ARID1A: variants seen among roughly 807,000 people sequenced by gnomAD.
ARID1A encodes the protein AT-rich interactive domain-containing protein 1A.
Under a neutral mutation model 212.6 loss-of-function variants are expected in ARID1A, and 20 were observed. The observed-to-expected ratio is 0.09, with a 90% CI of 0.07 to 0.14. ARID1A has a LOEUF of 0.14. Ranked by LOEUF, ARID1A falls within the 10% of genes least tolerant of loss-of-function variation. The pLI is 1.00. For synonymous variants in ARID1A, 1,376 were observed against 1,222.1 expected, an observed-to-expected ratio of 1.13 and a Z score of -2.63; for missense variants, 2,587 against 3,059.0, an observed-to-expected ratio of 0.85 and a Z score of 3.64.
At chr1:26,762,832 TCATGGCGA>T in intron 7 of ARID1A, 133 bp from the exon 8 acceptor site, 1 of 885,446 alleles carries the variant, frequency 1.1e-6, no homozygotes, top group African/African-American at 1.7e-5. Context: ...CCCCTTTTTC[TCATGGCGA>T]TAAAGGCTAC....
chr1:26,761,606 T>C (rs2080992764), intron 6 of ARID1A, 133 bp downstream of exon 6: 4 of 837,302 alleles, frequency 4.8e-6, no homozygotes, highest in Non-Finnish European at 5.6e-6. Context: ...TTATATTCTT[T>C]AAAAGTTGAC....
At position 26,773,859 on chromosome 1, in the gene ARID1A, C is replaced by G. The variant is rs199846866; in HGVS notation, c.4062C>G (p.Phe1354Leu). 1 of 1,614,094 alleles carries G rather than the reference C, an allele frequency of 6.2e-7. No homozygotes were observed. The highest frequency in any genetic ancestry group is 2.2e-5 in the East Asian group (1 of 44,894). Reference sequence around the variant, plus strand: ...AAGGCACCCCTTCTGGCAGCCCCTTCCCCAGCCAGCAGACTACAATGTATC... The same window carrying G: ...AAGGCACCCCTTCTGGCAGCCCCTTGCCCAGCCAGCAGACTACAATGTATC... ...STQGTPSGSP[F>L]PSQQTTMYQQ... is the part of the protein sequence containing the mutation. The change falls in exon 17 of 20, where the codon TTC (phenylalanine) becomes TTG (leucine). Residue 1354 changes from phenylalanine to leucine, a missense_variant. By Grantham distance (22) the Phe-to-Leu change is conservative (BLOSUM62 0). Around this residue, in one of 11 missense-constraint regions of ARID1A, gnomAD observed 890 missense variants for 1,098.2 expected, o/e 0.81. Transcript: ENST00000324856.
chr1:26,765,983 A>G (rs61786512), intron 8 of ARID1A: 15,158 of 467,500 alleles, frequency 0.032, 354 homozygotes, highest in Non-Finnish European at 0.044. Flanking sequence ...TTAAGGCTGC[A>G]GTAAGCTATG....
In ARID1A at chr1:26,773,076, T is replaced by C. The variant is rs1470876442; in HGVS notation, c.3715+89T>C. ...AATCTTGAGAATGGCTCAGGGTTCTTGTGGAGCCATCCTCTGAGATAATGC... is the reference window on the plus strand; with the variant it reads ...AATCTTGAGAATGGCTCAGGGTTCTCGTGGAGCCATCCTCTGAGATAATGC... On this transcript the variant is annotated intron_variant, in intron 14 of 19. Coordinates refer to ENST00000324856, the MANE Select transcript of ARID1A (RefSeq NM_006015.6). The C allele has an allele frequency of 8.0e-6, 12 of 1,498,482 alleles. No individual in the cohort carries two copies. The East Asian group carries it at 1.8e-4, about 23-fold the overall frequency. The allele number at this position is 1,498,482 out of a possible 1,614,324, so 92.8% of individuals were successfully genotyped here.
At chr1:26,706,529 C>T (rs1160723914) in intron 1 of ARID1A, among the ~76,000 whole-genome samples, 1 of 152,114 alleles carries the variant, frequency 6.6e-6, no homozygotes, top group East Asian at 1.9e-4. Context: ...CCTTTGGGCC[C>T]AGCTGTTTAC....
Position 26,774,209 on chromosome 1 carries a change from T to A in ARID1A, c.4102-120T>A. On this transcript the variant is annotated intron_variant, in intron 17 of 19. Transcript: ENST00000324856. The surrounding 1 kb of genome is among the most constrained non-coding windows in gnomAD (Gnocchi z 5.6). ...TCAAAAGACAATTTGTTAAGGTGAT[T>A]CCCATGTTTTCTTGGAGTCTGTGTC... The A allele has an allele frequency of 6.8e-7, 1 of 1,465,982 alleles. No homozygotes were observed. Among genetic ancestry groups the A allele is most frequent in the Non-Finnish European group, 9.0e-7 (1 of 1,107,642 alleles). The allele number at this position is 1,465,982 out of a possible 1,614,324, so 90.8% of individuals were successfully genotyped here. A position where few individuals can be genotyped will look rare whatever the true frequency, so the allele number is the denominator to read the frequency against.
chr1:26,775,165 T>C lies in ARID1A; in HGVS notation c.4938T>C (p.Val1646=). ...RRDITFPPGS[V]EATQPVLKQR... is the part of the protein sequence containing the mutation. ...ATATCACCTTCCCACCTGGCTCTGT[T>C]GAAGCCACACAGCCTGTGTTGAAGC... Residue 1646 remains valine, a synonymous_variant, in exon 18 of 20, where the codon GTT becomes GTC. Coordinates refer to ENST00000324856, the MANE Select transcript of ARID1A (RefSeq NM_006015.6). The C allele has an allele frequency of 6.2e-7, 1 of 1,612,214 alleles. No homozygotes were observed. Among genetic ancestry groups the C allele is most frequent in the Non-Finnish European group, 8.5e-7 (1 of 1,179,344 alleles).
intron 4 of ARID1A, among the ~76,000 whole-genome samples, chr1:26,753,930 C>A (rs2124028104): frequency 6.6e-6 from 1 of 152,240 alleles, no homozygotes; most frequent in East Asian, 1.9e-4. Flanking sequence ...CCTCAGCCTC[C>A]CGAGTAGCTG....
In ARID1A at chr1:26,696,618, A is replaced by G. The variant is rs2124740775; in HGVS notation, c.215A>G (p.Glu72Gly). The G allele has an allele frequency of 8.0e-7, 1 of 1,252,310 alleles. No homozygotes were observed. Among genetic ancestry groups the G allele is most frequent in the Non-Finnish European group, 1.0e-6 (1 of 1,002,190 alleles). The allele number at this position is 1,252,310 out of a possible 1,614,324, so 77.6% of individuals were successfully genotyped here. The stretch of plus-strand genomic sequence containing the variant: ...GGGCCGCCGCAGCCGCTGGGAAAGG[A>G]GCTGCAGGACGGGGCCGAGAGCAAT... ...AVGPPQPLGK[E>G]LQDGAESNGG... Residue 72 changes from glutamate to glycine, a missense_variant, in exon 1 of 20, where the codon GAG becomes GGG. By Grantham distance (98) the Glu-to-Gly change is moderately conservative (BLOSUM62 -2). Around this residue, in one of 11 missense-constraint regions of ARID1A, gnomAD observed 735 missense variants for 590.6 expected, o/e 1.24. Coordinates refer to ENST00000324856, the MANE Select transcript of ARID1A (RefSeq NM_006015.6).
At chr1:26,719,032 TGG>T (rs1161744473) in intron 1 of ARID1A, among the ~76,000 whole-genome samples, 2 of 152,076 alleles carry the variant, frequency 1.3e-5, no homozygotes, top group Non-Finnish European at 2.9e-5. Flanking sequence ...TCAAGGATAA[TGG>T]GGGGTACTCC....
At chr1:26,751,284 T>C (rs892457241) in intron 4 of ARID1A, among the ~76,000 whole-genome samples, 4 of 151,640 alleles carry the variant, frequency 2.6e-5, no homozygotes, top group African/African-American at 9.7e-5. Flanking sequence ...ACACATAGCA[T>C]CACAGATTTG....
At chr1:26,772,427 CG>C in intron 12 of ARID1A, 72 bp from the exon 13 acceptor site, 7 of 1,598,744 alleles carry the variant, frequency 4.4e-6, no homozygotes, top group Non-Finnish European at 6.0e-6. Context: ...GATTCTGGGT[CG>C]TTCGTGTGTT....
chr1:26,704,367 C>T (rs1427293878), intron 1 of ARID1A, among the ~76,000 whole-genome samples: 7 of 152,158 alleles, frequency 4.6e-5, no homozygotes, highest in Admixed American at 2.6e-4. Context: ...GTGAGTCTGT[C>T]TTGGCAGAGT....
intron 4 of ARID1A, among the ~76,000 whole-genome samples, chr1:26,756,570 A>AC (rs1377044107): frequency 2.0e-5 from 3 of 151,600 alleles, no homozygotes; most frequent in African/African-American, 7.3e-5. Flanking sequence ...TCTTTAAAAA[A>AC]AAAAAAAACA....
At chr1:26,769,008 T>C (rs2081061749) in intron 11 of ARID1A, among the ~76,000 whole-genome samples, 1 of 152,238 alleles carries the variant, frequency 6.6e-6, no homozygotes, top group African/African-American at 2.4e-5. Context: ...CCCTTCAGGC[T>C]TTATTCCCCT....
At chr1:26,744,452 C>T (rs1019533079) in intron 4 of ARID1A, among the ~76,000 whole-genome samples, 2 of 152,154 alleles carry the variant, frequency 1.3e-5, no homozygotes, top group African/African-American at 4.8e-5. Flanking sequence ...GTCACTTAGT[C>T]CTACAGAGGT....
At position 26,766,277 on chromosome 1, in the gene ARID1A, A is replaced by G; in HGVS notation, c.2789A>G (p.Tyr930Cys). Residue 930 changes from tyrosine to cysteine, a missense_variant, in exon 9 of 20, where the codon TAT (tyrosine) becomes TGT (cysteine). Physicochemically the swap from Tyr to Cys is radical, Grantham distance 194 (BLOSUM62 -2). Around this residue, in one of 11 missense-constraint regions of ARID1A, gnomAD observed 674 missense variants for 813.4 expected, o/e 0.83. Transcript: ENST00000324856. Reference protein sequence around the residue: ...QGGMMGTGPPYGQGINSMAGM... With the variant: ...QGGMMGTGPPCGQGINSMAGM... ...GGCATGATGGGAACTGGACCTCCTT[A>G]TGGACAAGGGATTAATAGTATGGCT... The G allele has an allele frequency of 6.2e-7, 1 of 1,614,104 alleles. No individual in the cohort carries two copies. Among genetic ancestry groups the G allele is most frequent in the South Asian group, 1.1e-5 (1 of 91,084 alleles).
chr1:26,696,823 G>T lies in ARID1A; in HGVS notation c.420G>T (p.Ala140=), dbSNP rs1392192967. ...DGVGAPPHSA[A]AALPPPAYGF... ...TGGGGGCGCCTCCTCACTCAGCCGC[G>T]GCCGCCTTGCCGCCCCCAGCCTACG... Residue 140 remains alanine (A), a synonymous_variant, in exon 1 of 20, where the codon GCG becomes GCT. Coordinates refer to ENST00000324856, the MANE Select transcript of ARID1A (RefSeq NM_006015.6). 7.5e-7 allele frequency: 1 copy of T among 1,337,578 alleles called. No homozygotes were observed. The highest frequency in any genetic ancestry group is 9.5e-7 in the Non-Finnish European group (1 of 1,047,418). The allele number at this position is 1,337,578 out of a possible 1,614,324, so 82.9% of individuals were successfully genotyped here.
chr1:26,713,361 ATTT>A (rs200403424), intron 1 of ARID1A, among the ~76,000 whole-genome samples: 1 of 137,982 alleles, frequency 7.2e-6, no homozygotes. Flanking sequence ...GTGAAGATTG[ATTT>A]TTTTTTTTTT....
Sources: gnomAD v4.1 joint callset for allele counts (sites outside exome capture counted in the v4.1 genomes callset) on GRCh38, gnomAD v4.1.1 for gene constraint, gnomAD v4.1.1 regional missense constraint, Gnocchi (gnomAD v3.1) non-coding constraint, MANE v1.5 for transcripts, NCBI Gene and HGNC (gene_info 2026-07-23, HGNC 2026-07-21) for gene names.